TAFA4: variants seen among roughly 807,000 people sequenced by gnomAD.
TAFA4 encodes TAFA chemokine like family member 4.
Under a neutral mutation model 21.1 loss-of-function variants are expected in TAFA4, and 20 were observed. The ratio of observed to expected loss-of-function variants is 0.95; its 90% CI spans 0.67 to 1.38. The LOEUF is 1.38. TAFA4 is among the 40% of genes most tolerant of loss of function. The probability of loss-of-function intolerance (pLI) is 0.00; values close to 1 mark genes in which losing one functional copy is unlikely to be tolerated. For synonymous variants in TAFA4, 71 were observed against 67.4 expected, an observed-to-expected ratio of 1.05 and a Z score of -0.26; for missense variants, 211 against 180.9, an observed-to-expected ratio of 1.17 and a Z score of -0.95.
chr3:68,799,171 T>G (rs1559524759), intron 3 of TAFA4, among the ~76,000 whole-genome samples: 1 of 152,218 alleles, frequency 6.6e-6, no homozygotes, highest in Non-Finnish European at 1.5e-5. Flanking sequence ...TCTTACCTGG[T>G]ATCTTAGTCC....
intron 1 of TAFA4, among the ~76,000 whole-genome samples, chr3:68,893,951 A>T (rs2089758847): frequency 6.6e-6 from 1 of 152,222 alleles, no homozygotes; most frequent in Non-Finnish European, 1.5e-5. Context: ...CCATATTTAT[A>T]AATAGAATGC....
chr3:68,779,152 A>T (rs540918910), intron 3 of TAFA4, among the ~76,000 whole-genome samples: 1 of 152,332 alleles, frequency 6.6e-6, no homozygotes, highest in South Asian at 2.1e-4. Context: ...TGGAACTTCA[A>T]ACTTGAGAGA....
chr3:68,853,568 C>G (rs531285806), intron 3 of TAFA4, among the ~76,000 whole-genome samples: 1 of 152,138 alleles, frequency 6.6e-6, no homozygotes, highest in Non-Finnish European at 1.5e-5. Context: ...TAATTCCTAT[C>G]CTACTTCTCA....
intron 5 of TAFA4, among the ~76,000 whole-genome samples, chr3:68,738,148 A>C (rs1015193391): frequency 2.0e-5 from 3 of 152,224 alleles, no homozygotes; most frequent in African/African-American, 7.2e-5. Flanking sequence ...AAGTCCCCGA[A>C]AAAATGATGA....
chr3:68,883,687 G>T (rs932655755), intron 2 of TAFA4, among the ~76,000 whole-genome samples: 1 of 152,124 alleles, frequency 6.6e-6, no homozygotes, highest in South Asian at 2.1e-4. Flanking sequence ...TATGTCAAAC[G>T]TTTACAATCC....
intron 3 of TAFA4, among the ~76,000 whole-genome samples, chr3:68,777,428 A>C (rs971262678): frequency 6.6e-6 from 1 of 152,148 alleles, no homozygotes. Flanking sequence ...GATACTGCAC[A>C]CTTGAAATGT....
At chr3:68,889,717 T>G (rs1161516087) in intron 1 of TAFA4, among the ~76,000 whole-genome samples, 2 of 152,166 alleles carry the variant, frequency 1.3e-5, no homozygotes, top group Non-Finnish European at 2.9e-5. Flanking sequence ...TGAACTCAAA[T>G]TGGAGCAACA....
At chr3:68,784,299 T>C (rs1309894446) in intron 3 of TAFA4, among the ~76,000 whole-genome samples, 2 of 152,258 alleles carry the variant, frequency 1.3e-5, no homozygotes, top group Non-Finnish European at 2.9e-5. Flanking sequence ...GGTGGGTTCT[T>C]GGTCTCACTG....
intron 5 of TAFA4, among the ~76,000 whole-genome samples, chr3:68,733,884 T>C (rs1702195527): frequency 6.6e-6 from 1 of 152,182 alleles, no homozygotes; most frequent in Non-Finnish European, 1.5e-5. Context: ...TTAACTGACA[T>C]CTGGCCTTTA....
chr3:68,887,719 G>A (rs1401164743), intron 1 of TAFA4, among the ~76,000 whole-genome samples: 1 of 152,044 alleles, frequency 6.6e-6, no homozygotes, highest in Non-Finnish European at 1.5e-5. Flanking sequence ...GTGCTGCATT[G>A]GAATTTGGGG....
chr3:68,854,804 G>A (rs1422059871), intron 3 of TAFA4, among the ~76,000 whole-genome samples: 1 of 151,946 alleles, frequency 6.6e-6, no homozygotes, highest in East Asian at 1.9e-4. Context: ...CTTCACAGAG[G>A]TGTGCTTTCC....
intron 2 of TAFA4, chr3:68,882,842 A>G (rs2089632989): frequency 6.6e-6 from 1 of 152,192 alleles, no homozygotes; most frequent in Non-Finnish European, 1.5e-5. Flanking sequence ...ACTGAGGTGG[A>G]GATGGAAGGC....
intron 3 of TAFA4, among the ~76,000 whole-genome samples, chr3:68,872,045 C>T (rs1320368813): frequency 6.6e-6 from 1 of 152,094 alleles, no homozygotes; most frequent in African/African-American, 2.4e-5. Context: ...AATCCCATTG[C>T]TGGATATCTA....
chr3:68,810,160 G>C (rs942384015), intron 3 of TAFA4, among the ~76,000 whole-genome samples: 1 of 152,136 alleles, frequency 6.6e-6, no homozygotes, highest in African/African-American at 2.4e-5. Context: ...ACATTGCTTT[G>C]GGTAATGTGG....
chr3:68,815,639 GC>G (rs1435425989), intron 3 of TAFA4, among the ~76,000 whole-genome samples: 1 of 152,178 alleles, frequency 6.6e-6, no homozygotes, highest in Non-Finnish European at 1.5e-5. Context: ...AGTTAGAATG[GC>G]AATCATTAAA....
chr3:68,888,643 G>A (rs971107558), intron 1 of TAFA4, among the ~76,000 whole-genome samples: 3 of 152,092 alleles, frequency 2.0e-5, no homozygotes, highest in Admixed American at 6.5e-5. Flanking sequence ...CATAGTTCCA[G>A]AACTGGGAAG....
intron 2 of TAFA4, among the ~76,000 whole-genome samples, chr3:68,883,401 C>T (rs1412707447): frequency 6.6e-6 from 1 of 152,210 alleles, no homozygotes. Context: ...ATTAGGTCAG[C>T]CCCACCCAGG....
intron 1 of TAFA4, among the ~76,000 whole-genome samples, chr3:68,901,214 C>A (rs375100150): frequency 2.6e-5 from 4 of 152,054 alleles, no homozygotes; most frequent in Admixed American, 2.6e-4. Context: ...AGAGGATGAT[C>A]CAGGTCCCTG....
intron 3 of TAFA4, among the ~76,000 whole-genome samples, chr3:68,804,249 G>C (rs1351057446): frequency 6.6e-6 from 1 of 151,970 alleles, no homozygotes; most frequent in Non-Finnish European, 1.5e-5. Flanking sequence ...TATATAAAAG[G>C]TATCAGTTAC....
Sources: allele counts gnomAD v4.1 joint callset (sites outside exome capture counted in the v4.1 genomes callset), GRCh38; gene constraint gnomAD v4.1.1; transcripts MANE v1.5; gene names NCBI Gene and HGNC (gene_info 2026-07-23, HGNC 2026-07-21).